The following PARPBP variants were observed in gnomAD, a reference collection of about 807,000 sequenced individuals.
PARPBP encodes the protein PCNA-interacting partner.
Under a neutral mutation model 50.0 loss-of-function variants are expected in PARPBP, and 52 were observed. That is an observed-to-expected ratio of 1.04 (90% CI 0.83 to 1.31). The LOEUF (loss-of-function observed/expected upper bound fraction) is 1.31. PARPBP is among the 50% of genes most tolerant of loss of function. The pLI, the probability that PARPBP is intolerant of heterozygous loss-of-function variation, is 0.00. For synonymous variants in PARPBP, 244 were observed against 232.1 expected, an observed-to-expected ratio of 1.05 and a Z score of -0.47; for missense variants, 697 against 672.0, an observed-to-expected ratio of 1.04 and a Z score of -0.41.
At chr12:102,194,539 T>G (rs1459414020) in intron 9 of PARPBP, among the ~76,000 whole-genome samples, 1 of 151,932 alleles carries the variant, frequency 6.6e-6, no homozygotes, top group Non-Finnish European at 1.5e-5. Context: ...GTGGAACAAA[T>G]TTCCAAAACT....
At chr12:102,148,050 T>C (rs1885645965) in intron 2 of PARPBP, among the ~76,000 whole-genome samples, 180 bp from the exon 3 acceptor site, 1 of 152,306 alleles carries the variant, frequency 6.6e-6, no homozygotes, top group East Asian at 1.9e-4. Flanking sequence ...AAAACCTTTT[T>C]CTTTTATATC....
chr12:102,164,217 G>A (rs1464524964), intron 4 of PARPBP, among the ~76,000 whole-genome samples: 1 of 152,026 alleles, frequency 6.6e-6, no homozygotes, highest in East Asian at 1.9e-4. Flanking sequence ...ATTTTTGTAG[G>A]TCTCCCCTCT....
chr12:102,153,621 T>G (rs1469062032), intron 3 of PARPBP, among the ~76,000 whole-genome samples: 1 of 152,212 alleles, frequency 6.6e-6, no homozygotes, highest in African/African-American at 2.4e-5. Flanking sequence ...ATTACAGGTG[T>G]GAGCCACGGT....
intron 2 of PARPBP, among the ~76,000 whole-genome samples, chr12:102,126,941 A>G (rs1222159539): frequency 6.6e-6 from 1 of 152,160 alleles, no homozygotes; most frequent in East Asian, 1.9e-4. Flanking sequence ...TATGACTGCC[A>G]TATTCTATTT....
At chr12:102,138,114 C>G (rs1399645674) in intron 2 of PARPBP, among the ~76,000 whole-genome samples, 1 of 152,190 alleles carries the variant, frequency 6.6e-6, no homozygotes, top group Non-Finnish European at 1.5e-5. Context: ...AGTTTACAGT[C>G]CCACCAACAG....
intron 9 of PARPBP, among the ~76,000 whole-genome samples, chr12:102,189,925 T>A (rs1890642830): frequency 6.6e-6 from 1 of 152,150 alleles, no homozygotes; most frequent in Admixed American, 6.5e-5. Flanking sequence ...TAAATGTGAT[T>A]TAGGTTTTCT....
chr12:102,194,652 T>C (rs886264300), intron 9 of PARPBP, among the ~76,000 whole-genome samples: 2 of 151,872 alleles, frequency 1.3e-5, no homozygotes, highest in Non-Finnish European at 3.0e-5. Flanking sequence ...TGTTTGAAGA[T>C]AAATGCAAGA....
At chr12:102,163,594 A>G (rs1171391659) in intron 4 of PARPBP, among the ~76,000 whole-genome samples, 2 of 152,104 alleles carry the variant, frequency 1.3e-5, no homozygotes, top group African/African-American at 4.8e-5. Flanking sequence ...AAATTGTCTC[A>G]TTAATCCCTT....
intron 3 of PARPBP, chr12:102,150,376 A>T: frequency 2.5e-6 from 1 of 392,502 alleles, no homozygotes; most frequent in Non-Finnish European, 5.0e-6. Flanking sequence ...TTCAAGGTAC[A>T]TATTAGAATA....
rs750949397 is a variant in PARPBP at position 102,153,831 on chromosome 12, C to T, written c.388-38C>T. ...TATGTGAAGTATTTTTTATAGTCAG[C>T]ATAGCATTTTATTAGTAATACTCTA... On this transcript the variant is annotated intron_variant, in intron 3 of 10. Transcript: ENST00000327680. 5.6e-6 allele frequency: 6 copies of T among 1,075,356 alleles called. No homozygotes were observed. The South Asian group carries it at 6.3e-5, about 11-fold the overall frequency. The allele number at this position is 1,075,356 out of a possible 1,614,324, so 66.6% of individuals were successfully genotyped here.
intron 2 of PARPBP, among the ~76,000 whole-genome samples, chr12:102,124,249 T>C (rs1008409473): frequency 9.9e-5 from 15 of 152,254 alleles, no homozygotes; most frequent in African/African-American, 2.4e-5. Context: ...TAAGCTCTTA[T>C]GTATGGTTAT....
chr12:102,152,875 T>A, intron 3 of PARPBP, among the ~76,000 whole-genome samples: 1 of 130,468 alleles, frequency 7.7e-6, no homozygotes. Flanking sequence ...CAAAGAAAAA[T>A]ATTAGGTAAA....
Position 102,175,621 on chromosome 12 carries a change from A to G in PARPBP, c.960A>G (p.Gln320=). The change falls in exon 7 of 11, where the codon CAA becomes CAG. Residue 320 remains glutamine, a synonymous_variant. Coordinates refer to ENST00000327680, the MANE Select transcript of PARPBP (RefSeq NM_017915.5). ...GGATTAAAAATATTATCAATTCTCA[A>G]GAAGGTGTTGTAGCTCTTAGCACCA... is the stretch of plus-strand genomic sequence containing the variant. The part of the protein sequence containing the change: ...DLRIKNIINS[Q]EGVVALSTTD... 1 of 1,613,700 alleles carries G rather than the reference A, an allele frequency of 6.2e-7. No individual in the cohort carries two copies. The highest frequency in any genetic ancestry group is 8.5e-7 in the Non-Finnish European group (1 of 1,179,652).
intron 6 of PARPBP, among the ~76,000 whole-genome samples, chr12:102,169,658 A>G (rs1342589756): frequency 6.6e-6 from 1 of 151,998 alleles, no homozygotes; most frequent in East Asian, 1.9e-4. Context: ...TTCACGTGTC[A>G]CTGAGTTGTC....
chr12:102,177,495 T>G (rs1889394052), intron 7 of PARPBP, among the ~76,000 whole-genome samples: 1 of 152,022 alleles, frequency 6.6e-6, no homozygotes, highest in African/African-American at 2.4e-5. Context: ...TACATAATAT[T>G]TTATTATTAT....
At chr12:102,136,188 A>G (rs1210998810) in intron 2 of PARPBP, among the ~76,000 whole-genome samples, 2 of 152,324 alleles carry the variant, frequency 1.3e-5, no homozygotes, top group Non-Finnish European at 2.9e-5. Context: ...ATTTTAATTT[A>G]TTCTTCTTTG....
At chr12:102,141,845 C>T (rs957873845) in intron 2 of PARPBP, among the ~76,000 whole-genome samples, 3 of 152,224 alleles carry the variant, frequency 2.0e-5, no homozygotes, top group East Asian at 1.9e-4. Flanking sequence ...GCGTTTCTGC[C>T]GAGAGATCTG....
In PARPBP at chr12:102,150,839, C is replaced by T. The variant is rs1886092500; in HGVS notation, c.387+2376C>T. 6.6e-5 allele frequency among the ~76,000 whole-genome samples: 10 copies of T among 152,130 alleles called. 2 individuals are homozygous for T. In the South Asian group the frequency reaches 2.1e-3, roughly 32 times the overall value. ...TGTAGGTACGCTCATATTCCCTGAC[C>T]CTCAAGCCAAGAAGTAGCTGAATAG... On this transcript the variant is annotated intron_variant, in intron 3 of 10. Transcript: ENST00000327680.
In PARPBP at chr12:102,142,313, C is replaced by T. The variant is rs142355503; in HGVS notation, c.154-5917C>T. 2.0e-3 allele frequency among the ~76,000 whole-genome samples: 309 copies of T among 152,262 alleles called. 3 individuals are homozygous for T. Among genetic ancestry groups the T allele is most frequent in the African/African-American group, 6.8e-3 (283 of 41,548 alleles). On this transcript the variant is annotated intron_variant, in intron 2 of 10. Transcript: ENST00000327680. ...GCTTGTGCATGCATCTCATAGTTCTCGTGCCATGGTTTTCAGCTCCATCAG... is the reference window on the plus strand; with the variant it reads ...GCTTGTGCATGCATCTCATAGTTCTTGTGCCATGGTTTTCAGCTCCATCAG...
Sources: allele counts gnomAD v4.1 joint callset (sites outside exome capture counted in the v4.1 genomes callset), GRCh38; gene constraint gnomAD v4.1.1; transcripts MANE v1.5; gene names NCBI Gene and HGNC (gene_info 2026-07-23, HGNC 2026-07-21).